KCNJ16: variants seen among roughly 807,000 people sequenced by gnomAD.
KCNJ16 encodes inward rectifier potassium channel 16.
Under a neutral mutation model 18.5 loss-of-function variants are expected in KCNJ16, and 15 were observed. The ratio of observed to expected loss-of-function variants is 0.81; its 90% CI spans 0.54 to 1.25. The LOEUF (loss-of-function observed/expected upper bound fraction) is 1.25. Ranked by LOEUF, KCNJ16 falls within the 50% of genes most tolerant of loss-of-function variation. The probability of loss-of-function intolerance (pLI) is 0.00; values close to 1 mark genes in which losing one functional copy is unlikely to be tolerated. For synonymous variants in KCNJ16, 174 were observed against 186.5 expected (o/e 0.93, Z 0.55); for missense variants, 523 against 525.7 (o/e 0.99, Z 0.05).
intron 2 of KCNJ16, among the ~76,000 whole-genome samples, chr17:70,112,302 G>A (rs1269333051): frequency 6.6e-6 from 1 of 151,776 alleles, no homozygotes; most frequent in African/African-American, 2.4e-5. Context: ...CTGGATAAGG[G>A]AGCTGGCATG....
In KCNJ16 at chr17:70,129,901, C is replaced by T. The variant is rs1024529615; in HGVS notation, c.-190-978C>T. Among the ~76,000 whole-genome samples the T allele has an allele frequency of 4.2e-5, 6 of 144,350 alleles. No individual in the cohort carries two copies. In the East Asian group the frequency reaches 1.2e-3, roughly 30 times the overall value. 94.7% of individuals were successfully genotyped at this position (144,350 alleles called of 152,430 possible). ...GAATGCCATTTCAAATAAAACCTTT[C>T]ATTTATTTATTTATTTATTTATTTA... On this transcript the variant is annotated intron_variant, in intron 2 of 3. Coordinates refer to ENST00000392671, the MANE Select transcript of KCNJ16 (RefSeq NM_170741.4).
In KCNJ16 at chr17:70,113,667, G is replaced by A. The variant is rs183504087; in HGVS notation, c.-191+12901G>A. Reference sequence around the variant, plus strand: ...AATATTCCAGACTGAGAAATACTGGGAAAGTATCACTTTTCTTTTTAAGGA... The same window carrying A: ...AATATTCCAGACTGAGAAATACTGGAAAAGTATCACTTTTCTTTTTAAGGA... On this transcript the variant is annotated intron_variant, in intron 2 of 3. Transcript: ENST00000392671. Among the ~76,000 whole-genome samples the A allele has an allele frequency of 5.9e-3, 894 of 152,194 alleles. 6 individuals carry two copies. Among genetic ancestry groups the A allele is most frequent in the Non-Finnish European group, 7.8e-3 (531 of 68,000 alleles).
At chr17:70,080,364 A>AT (rs1205616420) in intron 1 of KCNJ16, among the ~76,000 whole-genome samples, 1 of 152,178 alleles carries the variant, frequency 6.6e-6, no homozygotes, top group Non-Finnish European at 1.5e-5. Context: ...GAACTGAGTA[A>AT]TTTTATGGAT....
chr17:70,083,186 C>G (rs1179283044), intron 1 of KCNJ16, among the ~76,000 whole-genome samples: 3 of 148,622 alleles, frequency 2.0e-5, no homozygotes, highest in African/African-American at 7.4e-5. Context: ...TCTCAAGTAG[C>G]TGGGATTATA....
chr17:70,109,625 CCT>C (rs560644612), intron 2 of KCNJ16, among the ~76,000 whole-genome samples: 303 of 152,228 alleles, frequency 2.0e-3, no homozygotes, highest in African/African-American at 7.0e-3. Context: ...CTCTTTACTC[CCT>C]GTTCCAGCAG....
At chr17:70,090,170 G>T (rs546161553) in intron 1 of KCNJ16, among the ~76,000 whole-genome samples, 5 of 152,232 alleles carry the variant, frequency 3.3e-5, no homozygotes, top group African/African-American at 1.2e-4. Context: ...TGTCCAAAGG[G>T]ACAGGGATGG....
At chr17:70,120,932 T>TA (rs1451001856) in intron 2 of KCNJ16, among the ~76,000 whole-genome samples, 2 of 152,268 alleles carry the variant, frequency 1.3e-5, no homozygotes, top group African/African-American at 2.4e-5. Flanking sequence ...AGAAACCAGT[T>TA]AGACTTAAAA....
At chr17:70,106,785 G>C (rs2072949157) in intron 2 of KCNJ16, among the ~76,000 whole-genome samples, 2 of 152,328 alleles carry the variant, frequency 1.3e-5, no homozygotes, top group South Asian at 2.1e-4. Flanking sequence ...TGAGGTGAGG[G>C]AAGGTATGTT....
intron 2 of KCNJ16, among the ~76,000 whole-genome samples, chr17:70,123,912 G>A (rs375127214): frequency 1.3e-5 from 2 of 152,310 alleles, no homozygotes; most frequent in South Asian, 2.1e-4. Flanking sequence ...TGTAAACCAG[G>A]TGAAGCCAGG....
intron 2 of KCNJ16, chr17:70,101,569 C>T (rs1472531709): frequency 1.4e-5 from 2 of 145,370 alleles, no homozygotes; most frequent in Admixed American, 7.1e-5. Context: ...TTGAGATAAA[C>T]GATTATAATT....
rs182718545 is a variant in KCNJ16 at position 70,105,598 on chromosome 17, C to T, written c.-191+4832C>T. ...CAACTAAAAATATAGACAGAAATGC[C>T]GTAAAGACTCTTTAGAAAAACAACT... On this transcript the variant is annotated intron_variant, in intron 2 of 3. Coordinates refer to ENST00000392671, the MANE Select transcript of KCNJ16 (RefSeq NM_170741.4). Among the ~76,000 whole-genome samples the T allele has an allele frequency of 7.9e-5, 12 of 152,216 alleles. 1 individual carries two copies. In the East Asian group the frequency reaches 9.6e-4, roughly 12 times the overall value.
intron 3 of KCNJ16, 130 bp from the exon 4 acceptor site, chr17:70,131,865 C>T: frequency 2.6e-6 from 2 of 758,512 alleles, no homozygotes; most frequent in Non-Finnish European, 4.1e-6. Flanking sequence ...GTAATCAATA[C>T]TGTGCACCTA....
At chr17:70,102,092 T>C (rs549446131) in intron 2 of KCNJ16, 1 of 152,058 alleles carries the variant, frequency 6.6e-6, no homozygotes, top group African/African-American at 2.4e-5. Flanking sequence ...GTTAGTAACA[T>C]CACATGCACA....
Position 70,091,450 on chromosome 17 carries a change from G to A in KCNJ16, c.-299-9208G>A, listed in dbSNP as rs962675150. 3.3e-5 allele frequency among the ~76,000 whole-genome samples: 5 copies of A among 152,252 alleles called. No homozygotes were observed. The East Asian group carries it at 9.7e-4, about 29-fold the overall frequency. The stretch of plus-strand genomic sequence containing the variant: ...GCAGGAGAGGCCTATGGAATAGTAC[G>A]CATTTACAGGGGTCAAAGAATCAAA... On this transcript the variant is annotated intron_variant, in intron 1 of 3. Transcript: ENST00000392671.
At chr17:70,078,121 C>T (rs1490001589) in intron 1 of KCNJ16, among the ~76,000 whole-genome samples, 2 of 151,838 alleles carry the variant, frequency 1.3e-5, no homozygotes, top group Non-Finnish European at 2.9e-5. Flanking sequence ...GATTTTTTTC[C>T]TCACCTTGTT....
chr17:70,130,660 ATGAATTTCCCTGG>A (rs1239704644), intron 2 of KCNJ16, among the ~76,000 whole-genome samples: 1 of 152,180 alleles, frequency 6.6e-6, no homozygotes, highest in Non-Finnish European at 1.5e-5. Flanking sequence ...ATATTTAGTG[ATGAATTTCCCTGG>A]TTAGTTCCAA....
At position 70,130,887 on chromosome 17, in the gene KCNJ16, C is replaced by T. The variant is rs995832711; in HGVS notation, c.-182C>T. On this transcript the variant is annotated 5_prime_UTR_variant, in exon 3 of 4. Transcript: ENST00000392671. The stretch of plus-strand genomic sequence containing the variant: ...TTGTTTGTTTTGCACAGGAGTAACT[C>T]AAGATGATTTTGATGTTGCAGTTTT... The T allele has an allele frequency of 2.3e-6, 3 of 1,311,096 alleles. No individual in the cohort carries two copies. In the African/African-American group the frequency reaches 4.4e-5, roughly 19 times the overall value. 81.2% of individuals were successfully genotyped at this position (1,311,096 alleles called of 1,614,324 possible).
intron 2 of KCNJ16, among the ~76,000 whole-genome samples, chr17:70,111,143 G>C (rs2036895578): frequency 6.6e-6 from 1 of 152,156 alleles, no homozygotes; most frequent in African/African-American, 2.4e-5. Context: ...ACACATCTGA[G>C]GGTATGAGTG....
At chr17:70,103,049 C>T (rs1384592672) in intron 2 of KCNJ16, among the ~76,000 whole-genome samples, 2 of 150,102 alleles carry the variant, frequency 1.3e-5, no homozygotes, top group Non-Finnish European at 3.0e-5. Flanking sequence ...ATCCTGCCAC[C>T]TTAGGCACTC....
Sources: gnomAD v4.1 joint callset for allele counts (sites outside exome capture counted in the v4.1 genomes callset) on GRCh38, gnomAD v4.1.1 for gene constraint, MANE v1.5 for transcripts, NCBI Gene and HGNC (gene_info 2026-07-23, HGNC 2026-07-21) for gene names.